The following TARBP1 variants were observed in gnomAD, a reference collection of about 807,000 sequenced individuals.
TARBP1 encodes the protein tRNA guanosine 2 -O-methyltransferase TARBP1.
A neutral mutation model predicts 178.6 loss-of-function variants in TARBP1; 144 were observed. The observed-to-expected ratio is 0.81, with a 90% CI of 0.70 to 0.93. TARBP1 has a LOEUF of 0.93. Among genes scored for constraint, TARBP1 ranks in the 40% least tolerant of loss-of-function variants. The probability of loss-of-function intolerance (pLI) is 0.00; values close to 1 mark genes in which losing one functional copy is unlikely to be tolerated. For missense variants in TARBP1, 2,067 were observed against 2,011.7 expected (o/e 1.03, Z -0.53); for synonymous variants, 787 against 781.0 (o/e 1.01, Z -0.13).
intron 13 of TARBP1, among the ~76,000 whole-genome samples, 188 bp from the exon 14 acceptor site, chr1:234,433,759 TAC>T (rs1265639630): frequency 6.6e-6 from 1 of 152,224 alleles, no homozygotes; most frequent in East Asian, 1.9e-4. Context: ...TCTCTGTGCT[TAC>T]ACAGTGACTG....
intron 13 of TARBP1, among the ~76,000 whole-genome samples, chr1:234,435,330 C>A (rs1170372870): frequency 1.3e-5 from 2 of 151,950 alleles, no homozygotes; most frequent in African/African-American, 4.8e-5. Context: ...TACAAAAATA[C>A]AAAAATATTA....
At position 234,459,341 on chromosome 1, in the gene TARBP1, C is replaced by A; in HGVS notation, c.1536-15G>T. On this transcript the variant is annotated splice_polypyrimidine_tract_variant and intron_variant, in intron 7 of 29. Coordinates refer to ENST00000040877, the MANE Select transcript of TARBP1 (RefSeq NM_005646.4). ...GAATAACATCCCTGACATCGAAACA[C>A]AAAAAATGCAGTTCCGTATTCCCAA... The A allele has an allele frequency of 6.3e-7, 1 of 1,579,330 alleles. No individual in the cohort carries two copies. The highest frequency in any genetic ancestry group is 1.9e-5 in the Admixed American group (1 of 53,234).
At chr1:234,434,385 A>G (rs1166566074) in intron 13 of TARBP1, among the ~76,000 whole-genome samples, 2 of 152,208 alleles carry the variant, frequency 1.3e-5, no homozygotes, top group African/African-American at 4.8e-5. Flanking sequence ...GTTTTTACTG[A>G]GCAACCACTG....
intron 22 of TARBP1, among the ~76,000 whole-genome samples, chr1:234,412,119 T>C (rs958287352): frequency 6.6e-6 from 1 of 152,212 alleles, no homozygotes; most frequent in East Asian, 1.9e-4. Flanking sequence ...GGGAGGTAAC[T>C]TCCTTTAAGA....
intron 17 of TARBP1, 44 bp from the exon 18 acceptor site, chr1:234,427,810 T>A (rs10910434): frequency 0.11 from 149,848 of 1,357,992 alleles, 9,399 homozygotes; most frequent in Middle Eastern, 0.28. Flanking sequence ...ATTTAGTTTT[T>A]AAAAAATCAG....
chr1:234,393,687 A>G lies in TARBP1; in HGVS notation c.4394T>C (p.Ile1465Thr), dbSNP rs201209510. The part of the protein sequence containing the change: ...ARLGKSISRL[I>T]VVASLIDKPT... Reference sequence around the variant, plus strand: ...TTTGTCGATGAGCGAGGCCACAACGATGAGTCTACTAATTGACTTTCCAAG... The same window carrying G: ...TTTGTCGATGAGCGAGGCCACAACGGTGAGTCTACTAATTGACTTTCCAAG... Residue 1465 changes from isoleucine to threonine, a missense_variant, in exon 27 of 30, where the codon ATC (isoleucine) becomes ACC (threonine). Transcript: ENST00000040877. The G allele has an allele frequency of 7.1e-5, 114 of 1,613,924 alleles. No homozygotes were observed. Among genetic ancestry groups the G allele is most frequent in the Middle Eastern group, 5.0e-4 (3 of 6,058 alleles).
chr1:234,470,493 G>GGT (rs1396274152), intron 3 of TARBP1, among the ~76,000 whole-genome samples: 5 of 152,062 alleles, frequency 3.3e-5, no homozygotes, highest in Non-Finnish European at 7.4e-5. Flanking sequence ...TATTAAAGAG[G>GGT]GTGGTAGGTG....
chr1:234,403,725 C>T (rs1660933103), intron 24 of TARBP1, among the ~76,000 whole-genome samples: 1 of 152,146 alleles, frequency 6.6e-6, no homozygotes, highest in Non-Finnish European at 1.5e-5. Flanking sequence ...GCTCTGTTGC[C>T]GAGGCTGGAG....
In TARBP1 at chr1:234,478,740, C is replaced by T. The variant is rs1669835649; in HGVS notation, c.364G>A (p.Glu122Lys). The change falls in exon 1 of 30, where the codon GAG (glutamate) becomes AAG (lysine). Residue 122 changes from glutamate (E) to lysine (K), a missense_variant. Transcript: ENST00000040877. ...GRPQLAAALA[E>K]EALRDLLAGW... Reference sequence around the variant, plus strand: ...GCGAGCAGATCGCGCAGCGCCTCCTCAGCCAGCGCGGCCGCCAGCTGCGGA... The same window carrying T: ...GCGAGCAGATCGCGCAGCGCCTCCTTAGCCAGCGCGGCCGCCAGCTGCGGA... 1 of 1,178,178 alleles carries T rather than the reference C, an allele frequency of 8.5e-7. No individual in the cohort carries two copies. Among genetic ancestry groups the T allele is most frequent in the African/African-American group, 1.6e-5 (1 of 61,594 alleles). The allele number at this position is 1,178,178 out of a possible 1,614,324, so 73.0% of individuals were successfully genotyped here.
At chr1:234,435,616 C>T (rs773500780) in intron 13 of TARBP1, among the ~76,000 whole-genome samples, 2 of 152,150 alleles carry the variant, frequency 1.3e-5, no homozygotes, top group African/African-American at 4.8e-5. Context: ...AAAATAGAGA[C>T]GGATGAAATC....
intron 25 of TARBP1, among the ~76,000 whole-genome samples, chr1:234,399,827 C>G (rs1660494474): frequency 7.3e-6 from 1 of 137,752 alleles, no homozygotes; most frequent in African/African-American, 2.8e-5. Flanking sequence ...TAGGTGGAAA[C>G]TGAACAATGA....
intron 9 of TARBP1, among the ~76,000 whole-genome samples, chr1:234,455,783 G>C (rs1667211092): frequency 1.3e-5 from 2 of 151,932 alleles, no homozygotes; most frequent in South Asian, 4.1e-4. Flanking sequence ...AAAATTATTT[G>C]CAGTAGGTAT....
chr1:234,408,200 G>GT lies in TARBP1; in HGVS notation c.3793-2102dup, dbSNP rs543788841. Among the ~76,000 whole-genome samples the GT allele has an allele frequency of 4.5e-3, 638 of 143,204 alleles. 2 individuals are homozygous for GT. The highest frequency in any genetic ancestry group is 0.026 in the Middle Eastern group (7 of 272). 93.9% of individuals were successfully genotyped at this position (143,204 alleles called of 152,430 possible). On this transcript the variant is annotated intron_variant, in intron 23 of 29. Transcript: ENST00000040877. ...ACAACTATGAGCATAATTAAGAAAG[G>GT]TTTTTTTTTTTTTTCCTTTTATAGG...
intron 14 of TARBP1, among the ~76,000 whole-genome samples, chr1:234,431,992 C>G (rs1194886209): frequency 6.6e-6 from 1 of 152,064 alleles, no homozygotes; most frequent in Non-Finnish European, 1.5e-5. Flanking sequence ...CAAAAATTAG[C>G]CAGGCATGGT....
chr1:234,473,418 G>C (rs964015652), intron 1 of TARBP1, among the ~76,000 whole-genome samples: 8 of 152,156 alleles, frequency 5.3e-5, no homozygotes, highest in Admixed American at 3.3e-4. Flanking sequence ...TCTGGAGAAG[G>C]TAAAATAGTG....
chr1:234,406,206 A>G, intron 23 of TARBP1, 107 bp from the exon 24 acceptor site: 1 of 986,914 alleles, frequency 1.0e-6, no homozygotes, highest in Non-Finnish European at 1.5e-6. Context: ...TCCTAGTAAA[A>G]CTTCTTCCAC....
rs1255220002 is a variant in TARBP1 at position 234,479,002 on chromosome 1, C to G, written c.102G>C (p.Glu34Asp). ...GCCGCTGCAGAAGGAAGCGCAGCGTCTCCACGCGCTCCGCGGATGCCTCCC... is the reference window on the plus strand; with the variant it reads ...GCCGCTGCAGAAGGAAGCGCAGCGTGTCCACGCGCTCCGCGGATGCCTCCC... ...CQGEASAERV[E>D]TLRFLLQRLE... The change falls in exon 1 of 30, where the codon GAG becomes GAC. Residue 34 changes from glutamate to aspartate, a missense_variant. Transcript: ENST00000040877. 6.6e-7 allele frequency: 1 copy of G among 1,507,786 alleles called. No individual in the cohort carries two copies. The highest frequency in any genetic ancestry group is 2.2e-5 in the Admixed American group (1 of 46,278). The allele number at this position is 1,507,786 out of a possible 1,614,324, so 93.4% of individuals were successfully genotyped here. A position where few individuals can be genotyped will look rare whatever the true frequency, so the allele number is the denominator to read the frequency against.
intron 17 of TARBP1, 143 bp from the exon 18 acceptor site, chr1:234,427,909 A>C: frequency 2.1e-6 from 1 of 468,142 alleles, no homozygotes; most frequent in Non-Finnish European, 3.5e-6. Flanking sequence ...ACTTTGCGAG[A>C]TGATCAATAA....
chr1:234,403,120 T>C (rs1037463067), intron 24 of TARBP1, among the ~76,000 whole-genome samples: 1 of 152,166 alleles, frequency 6.6e-6, no homozygotes, highest in Non-Finnish European at 1.5e-5. Context: ...GATGACGTCA[T>C]TCTCAAGTTT....
Sources: allele counts gnomAD v4.1 joint callset (sites outside exome capture counted in the v4.1 genomes callset), GRCh38; gene constraint gnomAD v4.1.1; transcripts MANE v1.5; gene names NCBI Gene and HGNC (gene_info 2026-07-23, HGNC 2026-07-21).